Variants in PRKCQ observed in about 807,000 individuals in gnomAD.
The protein encoded by PRKCQ is protein kinase C theta type.
A neutral mutation model predicts 91.2 loss-of-function variants in PRKCQ; 41 were observed. That is an observed-to-expected ratio of 0.45 (90% CI 0.35 to 0.58). The LOEUF (loss-of-function observed/expected upper bound fraction) is 0.58. PRKCQ is among the 20% of genes least tolerant of loss of function. PRKCQ has a pLI of 0.00. For missense variants in PRKCQ, 673 were observed against 896.5 expected (o/e 0.75, Z 3.18); for synonymous variants, 307 against 316.9 (o/e 0.97, Z 0.33).
At chr10:6,568,867 G>A (rs1483949974) in intron 1 of PRKCQ, among the ~76,000 whole-genome samples, 2 of 151,994 alleles carry the variant, frequency 1.3e-5, no homozygotes, top group Non-Finnish European at 2.9e-5. Flanking sequence ...GGATGATAAG[G>A]GGAAAAATCA....
intron 15 of PRKCQ, among the ~76,000 whole-genome samples, chr10:6,446,169 C>A (rs970600016): frequency 6.6e-6 from 1 of 152,054 alleles, no homozygotes; most frequent in Non-Finnish European, 1.5e-5. Context: ...GCACAGTTAT[C>A]CCTCTCCTAT....
intron 15 of PRKCQ, among the ~76,000 whole-genome samples, chr10:6,456,021 TG>T (rs1834981743): frequency 6.6e-6 from 1 of 151,966 alleles, no homozygotes; most frequent in Non-Finnish European, 1.5e-5. Context: ...CTAATCTCCC[TG>T]GGTGGGCAGC....
intron 2 of PRKCQ, among the ~76,000 whole-genome samples, chr10:6,511,416 T>C (rs1047009495): frequency 6.6e-6 from 1 of 152,222 alleles, no homozygotes; most frequent in Non-Finnish European, 1.5e-5. Flanking sequence ...AGTCCAGCGT[T>C]GATAATTCAG....
intron 14 of PRKCQ, among the ~76,000 whole-genome samples, chr10:6,458,599 T>G (rs1044511042): frequency 6.6e-5 from 10 of 151,700 alleles, no homozygotes; most frequent in Non-Finnish European, 1.2e-4. Flanking sequence ...AGAGGTGGAG[T>G]GGGCATCACA....
intron 1 of PRKCQ, among the ~76,000 whole-genome samples, chr10:6,551,697 A>G (rs1483697373): frequency 6.6e-6 from 1 of 152,172 alleles, no homozygotes; most frequent in Non-Finnish European, 1.5e-5. Context: ...CGCCCAGCCC[A>G]CATTTTCTTT....
intron 1 of PRKCQ, among the ~76,000 whole-genome samples, chr10:6,555,684 A>G (rs368372149): frequency 1.7e-3 from 252 of 152,258 alleles, no homozygotes; most frequent in Middle Eastern, 0.01. Flanking sequence ...GGTTTTATAA[A>G]TGGATACCAC....
intron 1 of PRKCQ, among the ~76,000 whole-genome samples, chr10:6,568,868 G>A (rs2130970999): frequency 6.6e-6 from 1 of 152,088 alleles, no homozygotes; most frequent in Non-Finnish European, 1.5e-5. Flanking sequence ...GATGATAAGG[G>A]GAAAAATCAC....
intron 1 of PRKCQ, among the ~76,000 whole-genome samples, chr10:6,551,619 A>G (rs1420399255): frequency 6.6e-6 from 1 of 151,924 alleles, no homozygotes; most frequent in Admixed American, 6.5e-5. Context: ...GATGGTCTCG[A>G]TCTCCTGACC....
intron 4 of PRKCQ, among the ~76,000 whole-genome samples, chr10:6,503,411 T>G (rs552439649): frequency 2.0e-5 from 3 of 152,116 alleles, no homozygotes; most frequent in Admixed American, 2.0e-4. Flanking sequence ...GAGATGACAT[T>G]GGGGAATTCT....
intron 1 of PRKCQ, among the ~76,000 whole-genome samples, chr10:6,530,527 G>A (rs1004390017): frequency 1.3e-5 from 2 of 152,244 alleles, no homozygotes; most frequent in African/African-American, 4.8e-5. Context: ...GGCAACGGGG[G>A]ACTGGGCTAT....
At chr10:6,522,063 C>T (rs1486866405) in intron 1 of PRKCQ, among the ~76,000 whole-genome samples, 2 of 152,150 alleles carry the variant, frequency 1.3e-5, no homozygotes, top group African/African-American at 4.8e-5. Context: ...CTGCCTCAAC[C>T]TCCCGAGTAG....
At position 6,507,486 on chromosome 10, in the gene PRKCQ, T is replaced by C. The variant is rs1838257300; in HGVS notation, c.329A>G (p.Lys110Arg). Reference sequence around the variant, plus strand: ...ATTCATTAGCATTCGGCCTTGAGGTTTCAGCTCTAACTGGTTGGGAGAAGG... The same window carrying C: ...ATTCATTAGCATTCGGCCTTGAGGTCTCAGCTCTAACTGGTTGGGAGAAGG... ...NGKTEIWLEL[K>R]PQGRMLMNAR... The change falls in exon 4 of 18, where the codon AAA (lysine) becomes AGA (arginine). Residue 110 changes from lysine to arginine, a missense_variant. Transcript: ENST00000263125. The C allele has an allele frequency of 1.2e-6, 2 of 1,613,670 alleles. No homozygotes were observed. Among genetic ancestry groups the C allele is most frequent in the Admixed American group, 3.3e-5 (2 of 60,016 alleles).
intron 1 of PRKCQ, chr10:6,515,356 T>C: frequency 6.8e-7 from 1 of 1,469,446 alleles, no homozygotes; most frequent in Non-Finnish European, 8.9e-7. Flanking sequence ...GGGGAGAGGC[T>C]TTCTGGAAGT....
the PRKCQ span, among the ~76,000 whole-genome samples, chr10:6,416,286 T>C: frequency 1.3e-5 from 2 of 152,022 alleles, no homozygotes; most frequent in African/African-American, 2.4e-5. Context: ...TCTTTAGCGG[T>C]GATTTCTGAG....
At chr10:6,456,935 T>A in intron 14 of PRKCQ, 123 bp from the exon 15 acceptor site, 1 of 978,008 alleles carries the variant, frequency 1.0e-6, no homozygotes. Context: ...GAGGCGCTTA[T>A]GTATCTATCC....
intron 12 of PRKCQ, among the ~76,000 whole-genome samples, chr10:6,469,772 A>G (rs1246233186): frequency 1.3e-5 from 2 of 152,148 alleles, no homozygotes; most frequent in Non-Finnish European, 2.9e-5. Flanking sequence ...AAAATTCTTG[A>G]TCCATGGAGT....
Position 6,428,101 on chromosome 10 carries a change from G to A in PRKCQ, c.*106C>T. On this transcript the variant is annotated 3_prime_UTR_variant, in exon 18 of 18. Transcript: ENST00000263125. ...CGAACGGGTCTCAGTCTTTATTGTTGAGTGTTTCTTTCTTTTTCCAAGTTG... is the reference window on the plus strand; with the variant it reads ...CGAACGGGTCTCAGTCTTTATTGTTAAGTGTTTCTTTCTTTTTCCAAGTTG... The A allele has an allele frequency of 7.0e-7, 1 of 1,423,428 alleles. No individual in the cohort carries two copies. Among genetic ancestry groups the A allele is most frequent in the Non-Finnish European group, 9.8e-7 (1 of 1,023,764 alleles). The allele number at this position is 1,423,428 out of a possible 1,614,324, so 88.2% of individuals were successfully genotyped here.
At position 6,576,649 on chromosome 10, in the gene PRKCQ, AT is replaced by A. The variant is rs1434602850; in HGVS notation, c.-10+3561del. Among the ~76,000 whole-genome samples, 1 of 152,258 alleles carries A rather than the reference AT, an allele frequency of 6.6e-6. No homozygotes were observed. The highest frequency in any genetic ancestry group is 1.5e-5 in the Non-Finnish European group (1 of 68,044). ...TGGCAATGGTTGCAAAACAATGTGA[AT>A]ATACTTAATGTCACTGAACTGTACG... On this transcript the variant is annotated intron_variant, in intron 1 of 17. Coordinates refer to ENST00000263125, the MANE Select transcript of PRKCQ (RefSeq NM_006257.5). This position sits in a 1 kb window ranked among gnomAD's most constrained non-coding sequence, Gnocchi z 4.2.
chr10:6,522,952 C>A (rs374991291), intron 1 of PRKCQ, among the ~76,000 whole-genome samples: 61 of 152,122 alleles, frequency 4.0e-4, no homozygotes, highest in African/African-American at 1.5e-3. Flanking sequence ...AGAAAGATTT[C>A]TTAGGTAAAA....
Sources: gnomAD v4.1 joint callset for allele counts (sites outside exome capture counted in the v4.1 genomes callset) on GRCh38, gnomAD v4.1.1 for gene constraint, Gnocchi (gnomAD v3.1) non-coding constraint, MANE v1.5 for transcripts, NCBI Gene and HGNC (gene_info 2026-07-23, HGNC 2026-07-21) for gene names.